The following QRSL1 variants were observed in gnomAD, a reference collection of about 807,000 sequenced individuals.
QRSL1 encodes the protein glutamyl-tRNA(Gln) amidotransferase subunit A, mitochondrial.
A neutral mutation model predicts 61.6 loss-of-function variants in QRSL1; 54 were observed. The ratio of observed to expected loss-of-function variants is 0.88; its 90% CI spans 0.70 to 1.10. The LOEUF is 1.10. Among genes scored for constraint, QRSL1 ranks in the 50% least tolerant of loss-of-function variants. The probability of loss-of-function intolerance (pLI) is 0.00; values close to 1 mark genes in which losing one functional copy is unlikely to be tolerated. For missense variants in QRSL1, 505 were observed against 622.6 expected, an observed-to-expected ratio of 0.81 and a Z score of 2.01; for synonymous variants, 228 against 225.7, an observed-to-expected ratio of 1.01 and a Z score of -0.09.
In QRSL1 at chr6:106,665,733, T is replaced by C. The variant is rs748214137; in HGVS notation, c.1367-49T>C. 5.3e-6 allele frequency: 8 copies of C among 1,517,660 alleles called. No homozygotes were observed. In the South Asian group the frequency reaches 7.9e-5, roughly 15 times the overall value. 94.0% of individuals were successfully genotyped at this position (1,517,660 alleles called of 1,614,324 possible). ...ACTGGAAAGTGGAAGAGGTCTCTGC[T>C]AATTAGGGTGGAGAATTAATCACCT... On this transcript the variant is annotated intron_variant, in intron 10 of 10. Coordinates refer to ENST00000369046, the MANE Select transcript of QRSL1 (RefSeq NM_018292.5).
chr6:106,658,550 T>C (rs1289641886), intron 9 of QRSL1, among the ~76,000 whole-genome samples: 1 of 151,822 alleles, frequency 6.6e-6, no homozygotes, highest in African/African-American at 2.4e-5. Context: ...CGAGAGCCCA[T>C]CTCTTTAAAA....
intron 1 of QRSL1, among the ~76,000 whole-genome samples, chr6:106,636,052 T>C (rs1776914143): frequency 1.3e-5 from 2 of 152,272 alleles, no homozygotes; most frequent in South Asian, 4.1e-4. Flanking sequence ...CCAAAACTTT[T>C]TGAGCACCAA....
intron 4 of QRSL1, 146 bp from the exon 5 acceptor site, chr6:106,648,879 A>C (rs1222147802): frequency 7.2e-6 from 5 of 691,300 alleles, no homozygotes; most frequent in Non-Finnish European, 8.9e-6. Context: ...GCTACATCTG[A>C]ACAGGCTTCC....
intron 5 of QRSL1, 106 bp downstream of exon 5, chr6:106,649,307 G>C: frequency 8.6e-7 from 1 of 1,159,040 alleles, no homozygotes. Flanking sequence ...TTTCTTTCTA[G>C]TGAGCTATAT....
chr6:106,656,883 C>T (rs1021059428), intron 9 of QRSL1, among the ~76,000 whole-genome samples: 1 of 152,300 alleles, frequency 6.6e-6, no homozygotes, highest in Non-Finnish European at 1.5e-5. Context: ...TCTCCAACTC[C>T]TGGGTTCGAG....
At chr6:106,645,523 A>T (rs924273880) in intron 4 of QRSL1, among the ~76,000 whole-genome samples, 3 of 152,014 alleles carry the variant, frequency 2.0e-5, no homozygotes, top group Non-Finnish European at 4.4e-5. Flanking sequence ...CCTGGGTTCA[A>T]GAGATTCTCC....
chr6:106,641,902 A>C (rs1002060487), intron 3 of QRSL1, among the ~76,000 whole-genome samples: 6 of 152,290 alleles, frequency 3.9e-5, no homozygotes, highest in Admixed American at 3.9e-4. Flanking sequence ...TTATAAAAAT[A>C]GTGAAGGCAC....
intron 1 of QRSL1, 55 bp downstream of exon 1, chr6:106,629,760 T>G (rs1776774841): frequency 6.4e-7 from 1 of 1,573,818 alleles, no homozygotes; most frequent in Admixed American, 1.9e-5. Context: ...TTAACGGACT[T>G]CGTTGACAAA....
chr6:106,640,610 G>A (rs1777002503), intron 2 of QRSL1, 102 bp downstream of exon 2: 1 of 1,159,976 alleles, frequency 8.6e-7, no homozygotes, highest in Non-Finnish European at 1.2e-6. Context: ...ATAAACCATA[G>A]CCTTATTTAA....
chr6:106,647,979 T>C (rs767284331), intron 4 of QRSL1, among the ~76,000 whole-genome samples: 6 of 150,504 alleles, frequency 4.0e-5, no homozygotes, highest in African/African-American at 1.5e-4. Flanking sequence ...GTTGACAGAA[T>C]TGAATTACAT....
At chr6:106,664,993 A>G (rs1357698915) in intron 10 of QRSL1, among the ~76,000 whole-genome samples, 5 of 152,190 alleles carry the variant, frequency 3.3e-5, no homozygotes, top group Non-Finnish European at 7.4e-5. Context: ...AGCTAGCAGT[A>G]TTCTCTAAAG....
chr6:106,654,266 C>T (rs56845422), intron 7 of QRSL1, among the ~76,000 whole-genome samples: 4,938 of 151,920 alleles, frequency 0.033, 274 homozygotes, highest in East Asian at 0.19. Flanking sequence ...AGGAGAATGG[C>T]GTGAACCCAG....
chr6:106,655,363 T>TA (rs1388094111), intron 8 of QRSL1, among the ~76,000 whole-genome samples: 5 of 151,848 alleles, frequency 3.3e-5, no homozygotes, highest in African/African-American at 1.2e-4. Flanking sequence ...AATGTGAATC[T>TA]AAATAAGCCA....
chr6:106,636,126 T>C (rs567579801), intron 1 of QRSL1, among the ~76,000 whole-genome samples: 3 of 152,192 alleles, frequency 2.0e-5, no homozygotes, highest in African/African-American at 7.2e-5. Context: ...TGGAGATTTT[T>C]GGGTTAGGGA....
At chr6:106,633,930 C>G (rs770403817) in intron 1 of QRSL1, among the ~76,000 whole-genome samples, 1 of 146,542 alleles carries the variant, frequency 6.8e-6, no homozygotes, top group African/African-American at 2.6e-5. Flanking sequence ...TGTGTGGAAA[C>G]GCAGCCATTA....
chr6:106,636,321 T>A (rs1306635276), intron 1 of QRSL1, among the ~76,000 whole-genome samples: 1 of 148,782 alleles, frequency 6.7e-6, no homozygotes, highest in African/African-American at 2.5e-5. Context: ...TCTGCTACTT[T>A]TTTTTTTTTT....
intron 1 of QRSL1, among the ~76,000 whole-genome samples, chr6:106,639,116 G>T (rs866799107): frequency 0.036 from 1,939 of 54,042 alleles, 100 homozygotes; most frequent in African/African-American, 0.13. Flanking sequence ...TGTGTGTTTT[G>T]TTGTTTTTTT....
intron 1 of QRSL1, 75 bp from the exon 2 acceptor site, chr6:106,640,274 C>G (rs976585478): frequency 7.4e-7 from 1 of 1,360,196 alleles, no homozygotes; most frequent in Non-Finnish European, 1.0e-6. Context: ...ACTCCATCTC[C>G]CCCCACCCCC....
intron 1 of QRSL1, among the ~76,000 whole-genome samples, chr6:106,634,078 C>A (rs1175868440): frequency 6.6e-6 from 1 of 152,138 alleles, no homozygotes; most frequent in Non-Finnish European, 1.5e-5. Flanking sequence ...GGGAAGATTT[C>A]TCTGATTGAG....
Sources: gnomAD v4.1 joint callset for allele counts (sites outside exome capture counted in the v4.1 genomes callset) on GRCh38, gnomAD v4.1.1 for gene constraint, MANE v1.5 for transcripts, NCBI Gene and HGNC (gene_info 2026-07-23, HGNC 2026-07-21) for gene names.